Variants in SEMA3F observed in about 807,000 individuals in gnomAD.
SEMA3F encodes the protein semaphorin-3F.
SEMA3F carries 30 observed loss-of-function variants against 98.5 expected under a neutral mutation model. The ratio of observed to expected loss-of-function variants is 0.30; its 90% CI spans 0.23 to 0.41. The LOEUF (loss-of-function observed/expected upper bound fraction) is 0.41. Among genes scored for constraint, SEMA3F ranks in the 10% least tolerant of loss-of-function variants. The pLI, the probability that SEMA3F is intolerant of heterozygous loss-of-function variation, is 1.00. For missense variants in SEMA3F, 866 were observed against 1,119.3 expected (o/e 0.77, Z 3.23); for synonymous variants, 380 against 444.8 (o/e 0.85, Z 1.83).
chr3:50,168,864 G>A lies in SEMA3F; in HGVS notation c.113-4929G>A, dbSNP rs564117557. 4.3e-3 allele frequency among the ~76,000 whole-genome samples: 660 copies of A among 152,278 alleles called. 11 individuals are homozygous for A. The highest frequency in any genetic ancestry group is 0.015 in the African/African-American group (611 of 41,548). Reference sequence around the variant, plus strand: ...AGAAGGTCAGGAGGTCTGTCTTTCCGGTGGGTGAAACACTGACAAAGACCC... The same window carrying A: ...AGAAGGTCAGGAGGTCTGTCTTTCCAGTGGGTGAAACACTGACAAAGACCC... On this transcript the variant is annotated intron_variant, in intron 2 of 18. Transcript: ENST00000002829.
rs1365201389 is a variant in SEMA3F at position 50,183,508 on chromosome 3, C to T, written c.1177C>T (p.Pro393Ser). 1.2e-6 allele frequency: 2 copies of T among 1,614,100 alleles called. No individual in the cohort carries two copies. The highest frequency in any genetic ancestry group is 1.7e-5 in the Admixed American group (1 of 60,032). ...CGGGCCCTTTGCCCACAAAGAGGGGCCCAACTACCAGTGGATGCCCTTCTC... is the reference window on the plus strand; with the variant it reads ...CGGGCCCTTTGCCCACAAAGAGGGGTCCAACTACCAGTGGATGCCCTTCTC... ...FNGPFAHKEG[P>S]NYQWMPFSGK... Residue 393 changes from proline (P) to serine (S), a missense_variant, in exon 12 of 19, where the codon CCC (proline) becomes TCC (serine). Pro to Ser is a moderately conservative substitution (Grantham distance 74, BLOSUM62 -1). Coordinates refer to ENST00000002829, the MANE Select transcript of SEMA3F (RefSeq NM_004186.5).
At chr3:50,169,682 C>T (rs2109077512) in intron 2 of SEMA3F, among the ~76,000 whole-genome samples, 1 of 152,300 alleles carries the variant, frequency 6.6e-6, no homozygotes, top group Non-Finnish European at 1.5e-5. Context: ...CCATGGCATT[C>T]GAGGAGGCAT....
At chr3:50,162,746 T>G (rs1364788747) in intron 2 of SEMA3F, among the ~76,000 whole-genome samples, 2 of 152,168 alleles carry the variant, frequency 1.3e-5, no homozygotes, top group Non-Finnish European at 2.9e-5. Context: ...TGCTGCTGCC[T>G]GGGCTGGGTT....
rs1698405198 is a variant in SEMA3F, at chr3:50,166,308, C to CT, written c.112+6576dup. Among the ~76,000 whole-genome samples the CT allele has an allele frequency of 2.0e-5, 3 of 152,234 alleles. No individual in the cohort carries two copies. Among genetic ancestry groups the CT allele is most frequent in the Non-Finnish European group, 4.4e-5 (3 of 68,044 alleles). On this transcript the variant is annotated intron_variant, in intron 2 of 18. Coordinates refer to ENST00000002829, the MANE Select transcript of SEMA3F (RefSeq NM_004186.5). This position sits in a 1 kb window ranked among gnomAD's most constrained non-coding sequence, Gnocchi z 4.7. ...TCTGCTGTTCAGCCAGCACGGTTGC[C>CT]TTCTAAGGGTCATACACTACAATTG...
chr3:50,188,174 GATAT>G lies in SEMA3F; in HGVS notation c.*81_*84del, dbSNP rs59949761. 4.5e-4 allele frequency: 134 copies of G among 298,856 alleles called. No individual in the cohort carries two copies. Among genetic ancestry groups the G allele is most frequent in the Non-Finnish European group, 5.9e-4 (107 of 180,502 alleles). 18.5% of individuals were successfully genotyped at this position (298,856 alleles called of 1,614,324 possible). A position where few individuals can be genotyped will look rare whatever the true frequency, so the allele number is the denominator to read the frequency against. On this transcript the variant is annotated 3_prime_UTR_variant, in exon 19 of 19. Coordinates refer to ENST00000002829, the MANE Select transcript of SEMA3F (RefSeq NM_004186.5). This position sits in a 1 kb window ranked among gnomAD's most constrained non-coding sequence, Gnocchi z 4.5. Reference sequence around the variant, plus strand: ...AGCCCTTGTCCCTTTTAATATAAAAGATATATATATATATATATATATATAAAAT... The same window carrying G: ...AGCCCTTGTCCCTTTTAATATAAAAGATATATATATATATATATATAAAAT...
intron 2 of SEMA3F, among the ~76,000 whole-genome samples, chr3:50,167,332 G>T (rs1486448547): frequency 9.9e-5 from 15 of 152,226 alleles, no homozygotes. Context: ...CCATCTGCTG[G>T]GACAGAAGGT....
At chr3:50,184,995 C>T (rs1356319540) in intron 13 of SEMA3F, among the ~76,000 whole-genome samples, 181 bp downstream of exon 13, 1 of 152,202 alleles carries the variant, frequency 6.6e-6, no homozygotes, top group South Asian at 2.1e-4. Context: ...GGTGAGAAAA[C>T]CCCATTCCCA....
At chr3:50,173,556 C>T (rs1189084764) in intron 2 of SEMA3F, 10 of 528,102 alleles carry the variant, frequency 1.9e-5, no homozygotes, top group African/African-American at 7.6e-5. Context: ...ACAGGAGAAT[C>T]GCTTGAACCC....
rs1698421679 is a variant in SEMA3F, at chr3:50,166,768, AT to A, written c.113-7024del. ...TGACACCCACCAGCCTGTTGGTCCC[AT>A]CTTGGCCTGTCTGTCTGGGTGATTT... On this transcript the variant is annotated intron_variant, in intron 2 of 18. Coordinates refer to ENST00000002829, the MANE Select transcript of SEMA3F (RefSeq NM_004186.5). The surrounding 1 kb of genome is among the most constrained non-coding windows in gnomAD (Gnocchi z 4.7). 2.0e-5 allele frequency among the ~76,000 whole-genome samples: 3 copies of A among 152,162 alleles called. No individual in the cohort carries two copies. The East Asian group carries it at 5.8e-4, about 29-fold the overall frequency.
chr3:50,168,764 A>G (rs1698499702), intron 2 of SEMA3F, among the ~76,000 whole-genome samples: 1 of 152,092 alleles, frequency 6.6e-6, no homozygotes, highest in Non-Finnish European at 1.5e-5. Flanking sequence ...GGTATCCGGT[A>G]GGGACCACCT....
At position 50,183,238 on chromosome 3, in the gene SEMA3F, T is replaced by C. The variant is rs1322820289; in HGVS notation, c.1071T>C (p.Ala357=). The change falls in exon 11 of 19, where the codon GCT becomes GCC. Residue 357 remains alanine, a synonymous_variant. Coordinates refer to ENST00000002829, the MANE Select transcript of SEMA3F (RefSeq NM_004186.5). ...ACGTGAGGAACCCTGTCATTTACGC[T>C]GTCTTTACCTCCTCTGGGTGAGGCT... ...TQDVRNPVIY[A]VFTSSGSVFR... is the part of the protein sequence containing the mutation. 2 of 1,614,118 alleles carry C rather than the reference T, an allele frequency of 1.2e-6. No individual in the cohort carries two copies. Among genetic ancestry groups the C allele is most frequent in the Admixed American group, 1.7e-5 (1 of 60,036 alleles).
chr3:50,159,358 C>T, intron 1 of SEMA3F: 2 of 436,716 alleles, frequency 4.6e-6, no homozygotes, highest in Non-Finnish European at 4.0e-6. Context: ...CAGCAGCCCC[C>T]ATCAGTTCTG....
rs1697975716 is a variant in SEMA3F, at chr3:50,156,234, G to C, written c.-49+670G>C. 6.6e-6 allele frequency: 1 copy of C among 152,512 alleles called. No homozygotes were observed. The highest frequency in any genetic ancestry group is 2.1e-4 in the South Asian group (1 of 4,844). The allele number at this position is 152,512 out of a possible 1,614,324, so 9.4% of individuals were successfully genotyped here. A position where few individuals can be genotyped will look rare whatever the true frequency, so the allele number is the denominator to read the frequency against. On this transcript the variant is annotated intron_variant, in intron 1 of 18. Transcript: ENST00000002829. This position sits in a 1 kb window ranked among gnomAD's most constrained non-coding sequence, Gnocchi z 4.5. ...CGGTCAATCCCTAGTTTGAACCAGG[G>C]GTCCCAGTGGTGAAGTGGGCAGGGG...
intron 6 of SEMA3F, 113 bp downstream of exon 6, chr3:50,175,301 C>A (rs999556745): frequency 2.9e-5 from 21 of 731,108 alleles, no homozygotes; most frequent in Non-Finnish European, 4.8e-5. Flanking sequence ...CCTCTGTGCC[C>A]ACACCCTGTC....
intron 6 of SEMA3F, among the ~76,000 whole-genome samples, chr3:50,175,976 T>A (rs1385051626): frequency 1.3e-5 from 2 of 152,182 alleles, no homozygotes; most frequent in Admixed American, 1.3e-4. Flanking sequence ...CACCTCCTCC[T>A]GCCTCTGTTC....
At position 50,166,578 on chromosome 3, in the gene SEMA3F, C is replaced by T. The variant is rs1414510059; in HGVS notation, c.112+6844C>T. Reference sequence around the variant, plus strand: ...AGGCTGACCCCAAGCATGCACCTGTCTGCCCTGTGCCTCGGTTTCTCCATC... The same window carrying T: ...AGGCTGACCCCAAGCATGCACCTGTTTGCCCTGTGCCTCGGTTTCTCCATC... On this transcript the variant is annotated intron_variant, in intron 2 of 18. Transcript: ENST00000002829. The surrounding 1 kb of genome is among the most constrained non-coding windows in gnomAD (Gnocchi z 4.7). 6.6e-6 allele frequency among the ~76,000 whole-genome samples: 1 copy of T among 152,236 alleles called. No individual in the cohort carries two copies. The highest frequency in any genetic ancestry group is 1.5e-5 in the Non-Finnish European group (1 of 68,054).
intron 2 of SEMA3F, among the ~76,000 whole-genome samples, chr3:50,170,335 C>G (rs1698556623): frequency 6.6e-6 from 1 of 152,094 alleles, no homozygotes; most frequent in Non-Finnish European, 1.5e-5. Context: ...AAGGCTGGAG[C>G]TGAGTCCACA....
At chr3:50,183,715 C>A in intron 12 of SEMA3F, 151 bp downstream of exon 12, 1 of 792,266 alleles carries the variant, frequency 1.3e-6, no homozygotes, top group Non-Finnish European at 2.0e-6. Flanking sequence ...CCTTCACACA[C>A]AGTGTCAAGC....
Position 50,166,858 on chromosome 3 carries a change from G to C in SEMA3F, c.113-6935G>C, listed in dbSNP as rs1376089601. ...GCAGTCATGGGGAGGAGGAGGTGGT[G>C]GAGGAAGGAGTGAGGGGTTTCCGGG... is the stretch of plus-strand genomic sequence containing the variant. On this transcript the variant is annotated intron_variant, in intron 2 of 18. Transcript: ENST00000002829. This position sits in a 1 kb window ranked among gnomAD's most constrained non-coding sequence, Gnocchi z 4.7. 6.6e-6 allele frequency among the ~76,000 whole-genome samples: 1 copy of C among 152,114 alleles called. No homozygotes were observed. The highest frequency in any genetic ancestry group is 1.5e-5 in the Non-Finnish European group (1 of 68,006).
Sources: gnomAD v4.1 joint callset for allele counts (sites outside exome capture counted in the v4.1 genomes callset) on GRCh38, gnomAD v4.1.1 for gene constraint, Gnocchi (gnomAD v3.1) non-coding constraint, MANE v1.5 for transcripts, NCBI Gene and HGNC (gene_info 2026-07-23, HGNC 2026-07-21) for gene names.